The following SYNE1 variants were observed in gnomAD, a reference collection of about 807,000 sequenced individuals.
The protein encoded by SYNE1 is spectrin repeat containing nuclear envelope protein 1.
SYNE1 carries 616 observed loss-of-function variants against 1,111.0 expected under a neutral mutation model. The observed-to-expected ratio is 0.55, with a 90% CI of 0.52 to 0.59. The LOEUF (loss-of-function observed/expected upper bound fraction) is 0.59. Ranked by LOEUF, SYNE1 falls within the 20% of genes least tolerant of loss-of-function variation. The probability of loss-of-function intolerance (pLI) is 0.00; values close to 1 mark genes in which losing one functional copy is unlikely to be tolerated. For synonymous variants in SYNE1, 3,855 were observed against 3,825.8 expected, an observed-to-expected ratio of 1.01 and a Z score of -0.28; for missense variants, 10,006 against 10,417.0, an observed-to-expected ratio of 0.96 and a Z score of 1.72.
At chr6:152,598,517 C>T (rs2099588305) in intron 3 of SYNE1, among the ~76,000 whole-genome samples, 1 of 152,184 alleles carries the variant, frequency 6.6e-6, no homozygotes, top group South Asian at 2.1e-4. Context: ...AATTAAGTCA[C>T]ATTTGCCAGT....
intron 72 of SYNE1, 135 bp from the exon 73 acceptor site, chr6:152,347,370 T>A: frequency 9.5e-7 from 1 of 1,055,348 alleles, no homozygotes; most frequent in Non-Finnish European, 1.4e-6. Flanking sequence ...AGTTATATAT[T>A]AAATGAAAAC....
At chr6:152,204,316 A>G (rs2076084820) in intron 126 of SYNE1, among the ~76,000 whole-genome samples, 2 of 151,794 alleles carry the variant, frequency 1.3e-5, no homozygotes. Context: ...CAATTAGCCA[A>G]GACTGCACCA....
chr6:152,293,095 T>A (rs189204685), intron 95 of SYNE1, among the ~76,000 whole-genome samples: 2 of 152,346 alleles, frequency 1.3e-5, no homozygotes, highest in Admixed American at 6.5e-5. Flanking sequence ...AAAAATGATT[T>A]AAGTCAGGGA....
At chr6:152,154,445 T>TACACACACACAC (rs56398921) in intron 133 of SYNE1, among the ~76,000 whole-genome samples, 181 of 143,276 alleles carry the variant, frequency 1.3e-3, no homozygotes, top group African/African-American at 4.5e-3. Context: ...TTTTATCAAA[T>TACACACACACAC]ACACACACAC....
chr6:152,161,404 T>C (rs1478235093), intron 131 of SYNE1, among the ~76,000 whole-genome samples: 3 of 151,250 alleles, frequency 2.0e-5, no homozygotes, highest in African/African-American at 7.3e-5. Flanking sequence ...TTTTATTATG[T>C]TTATGTCTAT....
intron 101 of SYNE1, 105 bp from the exon 102 acceptor site, chr6:152,256,870 G>C (rs1010600012): frequency 6.5e-7 from 1 of 1,537,396 alleles, no homozygotes; most frequent in Non-Finnish European, 8.9e-7. Flanking sequence ...CTGTCCATAT[G>C]AAAATTTCTT....
intron 29 of SYNE1, among the ~76,000 whole-genome samples, chr6:152,446,968 T>C (rs1323700169): frequency 6.6e-6 from 1 of 152,230 alleles, no homozygotes; most frequent in African/African-American, 2.4e-5. Context: ...GTGCTTAACA[T>C]ACATTACTGC....
chr6:152,373,194 C>G lies in SYNE1; in HGVS notation c.9350G>C (p.Gly3117Ala). 5 of 1,612,794 alleles carry G rather than the reference C, an allele frequency of 3.1e-6. No individual in the cohort carries two copies. The highest frequency in any genetic ancestry group is 4.2e-6 in the Non-Finnish European group (5 of 1,179,850). ...CAGCATCATGTTTAGCTTGTGCTGT[C>G]CATTTTCACTTTCTGACAAAAACTC... The part of the protein sequence containing the change: ...IQEFLSESEN[G>A]QHKLNMMLSK... The change falls in exon 59 of 146, where the codon GGA becomes GCA. Residue 3117 changes from glycine to alanine, a missense_variant. Physicochemically the swap from Gly to Ala is moderately conservative, Grantham distance 60. This residue lies in a region of SYNE1 where 4,955 missense variants were observed against 5,017.2 expected (regional missense o/e 0.99). Transcript: ENST00000367255.
In SYNE1 at chr6:152,184,786, T is replaced by C. The variant is rs949144736; in HGVS notation, c.23301+4466A>G. ...AAAGACACAGTGAGGCTACAAGCAC[T>C]GGGTGCAAACCCAGGCCAAACGCTT... On this transcript the variant is annotated intron_variant, in intron 128 of 145. Transcript: ENST00000367255. Among the ~76,000 whole-genome samples the C allele has an allele frequency of 4.4e-4, 67 of 152,274 alleles. 1 individual carries two copies. The highest frequency in any genetic ancestry group is 1.6e-3 in the African/African-American group (67 of 41,572).
intron 145 of SYNE1, chr6:152,128,992 A>G (rs2054504447): frequency 6.6e-6 from 1 of 152,256 alleles, no homozygotes; most frequent in Non-Finnish European, 1.5e-5. Flanking sequence ...GTCCCACCTG[A>G]GTAGCAAAGT....
rs1269891407 is a variant in SYNE1 at position 152,321,400 on chromosome 6, A to T, written c.16084-10T>A. 3 of 1,613,326 alleles carry T rather than the reference A, an allele frequency of 1.9e-6. No individual in the cohort carries two copies. The highest frequency in any genetic ancestry group is 1.7e-6 in the Non-Finnish European group (2 of 1,179,810). ...CTTCTGTTAGGAGAATCTGAAGAAA[A>T]GATCAAAATAAGAAATTTCTGGGAA... is the stretch of plus-strand genomic sequence containing the variant. On this transcript the variant is annotated splice_polypyrimidine_tract_variant and intron_variant, in intron 83 of 145. Coordinates refer to ENST00000367255, the MANE Select transcript of SYNE1 (RefSeq NM_182961.4).
At chr6:152,271,584 T>A (rs2093215556) in intron 98 of SYNE1, among the ~76,000 whole-genome samples, 2 of 152,192 alleles carry the variant, frequency 1.3e-5, no homozygotes, top group Non-Finnish European at 2.9e-5. Context: ...GATGGGAAGT[T>A]TGGGTGGATG....
intron 98 of SYNE1, among the ~76,000 whole-genome samples, chr6:152,271,943 C>T (rs2093243333): frequency 6.6e-6 from 1 of 152,084 alleles, no homozygotes; most frequent in African/African-American, 2.4e-5. Flanking sequence ...TTCTCCGAGC[C>T]CTGAGCCCAA....
In SYNE1 at chr6:152,310,823, A is replaced by G. The variant is rs775997825; in HGVS notation, c.16761T>C (p.Thr5587=). 1 of 1,614,128 alleles carries G rather than the reference A, an allele frequency of 6.2e-7. No homozygotes were observed. Among genetic ancestry groups the G allele is most frequent in the Non-Finnish European group, 8.5e-7 (1 of 1,180,026 alleles). ...CGCTAGTGAGGTACTGTAATTTCTC[A>G]GTCATTGCTTCCAGCTCACTGTCAA... The part of the protein sequence containing the change: ...KEIDSELEAM[T]EKLQYLTSVY... The change falls in exon 88 of 146, where the codon ACT becomes ACC. Residue 5587 remains threonine, a synonymous_variant. Transcript: ENST00000367255.
In SYNE1 at chr6:152,355,925, A is replaced by G. The variant is rs988140832; in HGVS notation, c.10609-949T>C. On this transcript the variant is annotated intron_variant, in intron 66 of 145. Coordinates refer to ENST00000367255, the MANE Select transcript of SYNE1 (RefSeq NM_182961.4). ...ACTAATAGAAAATTTTTCTTCAAATATGATGTCACTTCAAGCACAGTATAA... is the reference window on the plus strand; with the variant it reads ...ACTAATAGAAAATTTTTCTTCAAATGTGATGTCACTTCAAGCACAGTATAA... Among the ~76,000 whole-genome samples, 12 of 152,336 alleles carry G rather than the reference A, an allele frequency of 7.9e-5. No individual in the cohort carries two copies. The East Asian group carries it at 2.3e-3, about 29-fold the overall frequency.
intron 130 of SYNE1, among the ~76,000 whole-genome samples, chr6:152,174,624 G>C (rs2065940175): frequency 6.6e-6 from 1 of 152,190 alleles, no homozygotes; most frequent in Admixed American, 6.5e-5. Context: ...CTCTAACAGG[G>C]AAAAGGAAGT....
At chr6:152,387,586 T>C (rs112869375) in intron 53 of SYNE1, among the ~76,000 whole-genome samples, 106 of 152,286 alleles carry the variant, frequency 7.0e-4, no homozygotes, top group African/African-American at 2.5e-3. Context: ...AGTCAATCTA[T>C]ATTAAAACAT....
intron 87 of SYNE1, among the ~76,000 whole-genome samples, chr6:152,312,425 T>C (rs1022288785): frequency 6.6e-6 from 1 of 151,054 alleles, no homozygotes; most frequent in Non-Finnish European, 1.5e-5. Context: ...GTCAGGCTGG[T>C]CTCAAACTCC....
chr6:152,313,464 CTT>C (rs35627993), intron 87 of SYNE1, among the ~76,000 whole-genome samples: 12,097 of 135,432 alleles, frequency 0.089, 835 homozygotes, highest in African/African-American at 0.22. Flanking sequence ...ATTTTCTTTT[CTT>C]TTTTTTTTTT....
Sources: gnomAD v4.1 joint callset for allele counts (sites outside exome capture counted in the v4.1 genomes callset) on GRCh38, gnomAD v4.1.1 for gene constraint, gnomAD v4.1.1 regional missense constraint, MANE v1.5 for transcripts, NCBI Gene and HGNC (gene_info 2026-07-23, HGNC 2026-07-21) for gene names.